The following SEMA6A variants were observed in gnomAD, a reference collection of about 807,000 sequenced individuals.
The protein encoded by SEMA6A is semaphorin 6A.
SEMA6A carries 25 observed loss-of-function variants against 96.8 expected under a neutral mutation model. The ratio of observed to expected loss-of-function variants is 0.26; its 90% CI spans 0.19 to 0.36. The LOEUF is 0.36. SEMA6A is among the 10% of genes least tolerant of loss of function. The probability of loss-of-function intolerance (pLI) is 1.00; values close to 1 mark genes in which losing one functional copy is unlikely to be tolerated. For missense variants in SEMA6A, 1,363 were observed against 1,323.1 expected (o/e 1.03, Z -0.47); for synonymous variants, 612 against 518.0 (o/e 1.18, Z -2.46).
intron 1 of SEMA6A, among the ~76,000 whole-genome samples, chr5:116,517,804 C>T (rs933473831): frequency 6.6e-6 from 1 of 152,198 alleles, no homozygotes; most frequent in African/African-American, 2.4e-5. Flanking sequence ...TTCTTCCCAT[C>T]TGATGGCCAA....
intron 1 of SEMA6A, among the ~76,000 whole-genome samples, chr5:116,564,305 T>G (rs1760939050): frequency 6.6e-6 from 1 of 152,234 alleles, no homozygotes; most frequent in African/African-American, 2.4e-5. Flanking sequence ...TTAGTCCCAT[T>G]TGTAAGGAAT....
At chr5:116,520,137 C>T (rs1033552238) in intron 1 of SEMA6A, among the ~76,000 whole-genome samples, 4 of 152,120 alleles carry the variant, frequency 2.6e-5, no homozygotes, top group Non-Finnish European at 5.9e-5. Context: ...AATGCACAAG[C>T]TCTCATTCCT....
Position 116,474,305 on chromosome 5 carries a change from CACACAT to C in SEMA6A, c.1709-1218_1709-1213del, listed in dbSNP as rs202016788. Among the ~76,000 whole-genome samples the C allele has an allele frequency of 9.3e-3, 1,415 of 151,996 alleles. 47 individuals are homozygous for C. The highest frequency in any genetic ancestry group is 0.051 in the Admixed American group (777 of 15,246). ...ACACACACACACACACACACACACACACACATCTTAAAACCTGTTTCCTTGCAAATA... is the reference window on the plus strand; with the variant it reads ...ACACACACACACACACACACACACACCTTAAAACCTGTTTCCTTGCAAATA... On this transcript the variant is annotated intron_variant, in intron 16 of 18. Coordinates refer to ENST00000343348, the MANE Select transcript of SEMA6A (RefSeq NM_020796.5).
At position 116,573,986 on chromosome 5, in the gene SEMA6A, C is replaced by T. The variant is rs191187255; in HGVS notation, c.-39+199G>A. Reference sequence around the variant, plus strand: ...ACGTGGAGCCGGACGCACTCTGGGGCGCAGGGCAGAGAGGAAAGGCAGGCA... The same window carrying T: ...ACGTGGAGCCGGACGCACTCTGGGGTGCAGGGCAGAGAGGAAAGGCAGGCA... On this transcript the variant is annotated intron_variant, in intron 1 of 18. Transcript: ENST00000343348. Among the ~76,000 whole-genome samples, 166 of 152,024 alleles carry T rather than the reference C, an allele frequency of 1.1e-3. 2 individuals carry two copies. The East Asian group carries it at 0.018, about 16-fold the overall frequency.
chr5:116,537,362 T>C (rs944936076), intron 1 of SEMA6A, among the ~76,000 whole-genome samples: 10 of 152,170 alleles, frequency 6.6e-5, no homozygotes, highest in Non-Finnish European at 1.0e-4. Flanking sequence ...CTTCATCAGA[T>C]CAAGTTCTTA....
At chr5:116,465,301 A>G (rs1309424850) in intron 18 of SEMA6A, among the ~76,000 whole-genome samples, 1 of 152,234 alleles carries the variant, frequency 6.6e-6, no homozygotes, top group East Asian at 1.9e-4. Context: ...TGCTTGGCAA[A>G]ATGAAACAAA....
chr5:116,488,755 A>C (rs1308789502), intron 8 of SEMA6A, 133 bp downstream of exon 8: 1 of 1,142,756 alleles, frequency 8.8e-7, no homozygotes, highest in East Asian at 2.8e-5. Context: ...CCAAAGATGC[A>C]ATTTACATGT....
At chr5:116,560,110 T>A (rs1011513501) in intron 1 of SEMA6A, among the ~76,000 whole-genome samples, 4 of 152,140 alleles carry the variant, frequency 2.6e-5, no homozygotes, top group African/African-American at 9.7e-5. Flanking sequence ...TGCTTTTCCC[T>A]TCACCCCACT....
At chr5:116,515,570 AT>A (rs1758631383) in intron 1 of SEMA6A, among the ~76,000 whole-genome samples, 1 of 152,218 alleles carries the variant, frequency 6.6e-6, no homozygotes, top group East Asian at 1.9e-4. Context: ...AACCAGAGAT[AT>A]TTTAGCACCT....
chr5:116,480,618 TCC>T (rs1756708217), intron 11 of SEMA6A, among the ~76,000 whole-genome samples: 1 of 151,988 alleles, frequency 6.6e-6, no homozygotes, highest in South Asian at 2.1e-4. Flanking sequence ...GTTTTACTTA[TCC>T]AAAAAGGCTG....
intron 1 of SEMA6A, among the ~76,000 whole-genome samples, chr5:116,537,378 A>G (rs991096997): frequency 1.3e-5 from 2 of 152,138 alleles, no homozygotes; most frequent in African/African-American, 4.8e-5. Context: ...TCTTAACACC[A>G]CTTAGGAAGG....
chr5:116,483,712 A>T (rs571330103), intron 10 of SEMA6A, among the ~76,000 whole-genome samples: 3 of 152,346 alleles, frequency 2.0e-5, no homozygotes, highest in African/African-American at 7.2e-5. Context: ...GGCAAAATAA[A>T]TTTTAAATGC....
chr5:116,547,732 C>CT (rs1176046445), intron 1 of SEMA6A, among the ~76,000 whole-genome samples: 4 of 72,164 alleles, frequency 5.5e-5, no homozygotes, highest in African/African-American at 1.8e-4. Flanking sequence ...GTATCTGATA[C>CT]TTAAAAAAAA....
chr5:116,449,148 T>C (rs1307406361), intron 18 of SEMA6A, among the ~76,000 whole-genome samples: 2 of 152,184 alleles, frequency 1.3e-5, no homozygotes, highest in Non-Finnish European at 2.9e-5. Flanking sequence ...CACATCACAG[T>C]TGTCAGATCT....
intron 1 of SEMA6A, among the ~76,000 whole-genome samples, chr5:116,516,630 G>T (rs556633749): frequency 1.6e-4 from 24 of 152,226 alleles, no homozygotes; most frequent in African/African-American, 5.8e-4. Flanking sequence ...AGTTTGAATT[G>T]TGGTGGAGAG....
chr5:116,539,941 T>G (rs1307192754), intron 1 of SEMA6A, among the ~76,000 whole-genome samples: 2 of 152,222 alleles, frequency 1.3e-5, no homozygotes, highest in Admixed American at 6.5e-5. Flanking sequence ...TTTTGTCTGG[T>G]TAAAGTAAAG....
chr5:116,471,872 C>T (rs1222165420), intron 17 of SEMA6A, among the ~76,000 whole-genome samples: 1 of 152,136 alleles, frequency 6.6e-6, no homozygotes, highest in African/African-American at 2.4e-5. Context: ...GGATCATAAA[C>T]CTGCATTGCT....
chr5:116,480,547 G>C (rs777223862), intron 11 of SEMA6A, among the ~76,000 whole-genome samples: 1 of 152,172 alleles, frequency 6.6e-6, no homozygotes, highest in Non-Finnish European at 1.5e-5. Flanking sequence ...ACAAACCTCA[G>C]TAAACAGTGA....
chr5:116,555,939 T>C (rs1194013462), intron 1 of SEMA6A, among the ~76,000 whole-genome samples: 1 of 152,176 alleles, frequency 6.6e-6, no homozygotes, highest in East Asian at 1.9e-4. Context: ...CAATCTACAT[T>C]ACCTACAATC....
Sources: allele counts gnomAD v4.1 joint callset (sites outside exome capture counted in the v4.1 genomes callset), GRCh38; gene constraint gnomAD v4.1.1; transcripts MANE v1.5; gene names NCBI Gene and HGNC (gene_info 2026-07-23, HGNC 2026-07-21).